The following SYN3 variants were observed in gnomAD, a reference collection of about 807,000 sequenced individuals.
SYN3 encodes synapsin III, also known as synapsin-3.
A neutral mutation model predicts 65.8 loss-of-function variants in SYN3; 35 were observed. The observed-to-expected ratio is 0.53, with a 90% confidence interval of 0.41 to 0.70. The LOEUF is 0.70. Ranked by LOEUF, SYN3 falls within the 30% of genes least tolerant of loss-of-function variation. The probability of loss-of-function intolerance (pLI) is 0.00; values close to 1 mark genes in which losing one functional copy is unlikely to be tolerated. For missense variants in SYN3, 680 were observed against 749.0 expected (o/e 0.91, Z 1.08); for synonymous variants, 270 against 292.9 (o/e 0.92, Z 0.80).
chr22:32,912,967 G>A (rs1029835182), intron 4 of SYN3, among the ~76,000 whole-genome samples: 5 of 152,120 alleles, frequency 3.3e-5, no homozygotes, highest in Non-Finnish European at 7.3e-5. Flanking sequence ...CACTAAGAAT[G>A]AGCCCCAGTG....
chr22:32,529,578 G>A (rs529859943), intron 10 of SYN3, among the ~76,000 whole-genome samples: 113 of 152,272 alleles, frequency 7.4e-4, no homozygotes, highest in African/African-American at 2.4e-3. Flanking sequence ...TGCTTCTATC[G>A]GGAGGAACCT....
intron 6 of SYN3, among the ~76,000 whole-genome samples, chr22:32,829,425 G>T (rs2047509602): frequency 6.6e-6 from 1 of 152,210 alleles, no homozygotes; most frequent in African/African-American, 2.4e-5. Context: ...GACAGAGGGG[G>T]TGGGGTCCCC....
intron 6 of SYN3, among the ~76,000 whole-genome samples, chr22:32,661,875 A>C (rs1188523064): frequency 6.6e-6 from 1 of 152,224 alleles, no homozygotes; most frequent in Non-Finnish European, 1.5e-5. Context: ...TCCACAGCCA[A>C]GTTGCATCTT....
intron 7 of SYN3, among the ~76,000 whole-genome samples, chr22:32,570,510 G>A (rs1205438605): frequency 6.7e-6 from 1 of 149,842 alleles, no homozygotes; most frequent in Admixed American, 6.8e-5. Context: ...AGCTGTGCAT[G>A]TTTCTCTCCC....
intron 4 of SYN3, among the ~76,000 whole-genome samples, chr22:32,927,544 C>A (rs1204238289): frequency 1.3e-5 from 2 of 152,174 alleles, no homozygotes; most frequent in African/African-American, 4.8e-5. Context: ...GCCACCACAC[C>A]TGGCCATGTT....
chr22:32,752,125 T>A (rs2045146744), intron 6 of SYN3, among the ~76,000 whole-genome samples: 2 of 152,144 alleles, frequency 1.3e-5, no homozygotes, highest in African/African-American at 4.8e-5. Context: ...GCTGAGTGAG[T>A]ACATGACTAC....
intron 6 of SYN3, among the ~76,000 whole-genome samples, chr22:32,738,045 A>G (rs2061356908): frequency 6.6e-6 from 1 of 152,136 alleles, no homozygotes. Flanking sequence ...ACTAATTATC[A>G]ATTATCCTGG....
chr22:32,597,218 T>C (rs1023730033), intron 6 of SYN3, among the ~76,000 whole-genome samples: 4 of 140,138 alleles, frequency 2.9e-5, no homozygotes, highest in East Asian at 2.1e-4. Flanking sequence ...TTTTTTTTTT[T>C]TTTTTTTTTT....
chr22:32,936,182 G>A (rs1472258002), intron 3 of SYN3, among the ~76,000 whole-genome samples: 3 of 152,202 alleles, frequency 2.0e-5, no homozygotes, highest in African/African-American at 7.2e-5. Context: ...TGAAGTACCA[G>A]AGATTACATA....
chr22:32,801,343 G>A lies in SYN3; in HGVS notation c.711+63572C>T, dbSNP rs376145627. 6.6e-6 allele frequency among the ~76,000 whole-genome samples: 1 copy of A among 152,218 alleles called. No individual in the cohort carries two copies. The highest frequency in any genetic ancestry group is 2.1e-4 in the South Asian group (1 of 4,836). ...TGGAAGCGGTCCTGCTGGGGTGGGTGGGTGTTAGTTGGTTCTGGTTTGGGT... is the reference window on the plus strand; with the variant it reads ...TGGAAGCGGTCCTGCTGGGGTGGGTAGGTGTTAGTTGGTTCTGGTTTGGGT... On this transcript the variant is annotated intron_variant, in intron 6 of 13. Transcript: ENST00000358763. The surrounding 1 kb of genome is among the most constrained non-coding windows in gnomAD (Gnocchi z 4.7).
intron 6 of SYN3, among the ~76,000 whole-genome samples, chr22:32,817,958 C>T (rs1054313172): frequency 3.3e-5 from 5 of 152,130 alleles, no homozygotes; most frequent in East Asian, 1.9e-4. Flanking sequence ...ATCATTTTAC[C>T]GATAGGAGCA....
chr22:32,593,173 T>C (rs2059151322), intron 7 of SYN3, among the ~76,000 whole-genome samples: 2 of 152,126 alleles, frequency 1.3e-5, no homozygotes. Flanking sequence ...GTTTTCTCAT[T>C]CCAAACATAA....
chr22:32,915,499 G>A (rs1012661806), intron 4 of SYN3, among the ~76,000 whole-genome samples: 3 of 152,192 alleles, frequency 2.0e-5, no homozygotes, highest in Non-Finnish European at 4.4e-5. Context: ...TGTTATTCTG[G>A]GTAGGATGGT....
At chr22:33,033,537 T>C (rs375959952) in intron 1 of SYN3, among the ~76,000 whole-genome samples, 1 of 152,096 alleles carries the variant, frequency 6.6e-6, no homozygotes, top group South Asian at 2.1e-4. Flanking sequence ...CTTTATTTCC[T>C]GTCAGACTCC....
intron 6 of SYN3, among the ~76,000 whole-genome samples, chr22:32,815,576 A>C (rs1292764262): frequency 6.6e-6 from 1 of 152,244 alleles, no homozygotes; most frequent in Admixed American, 6.5e-5. Context: ...GAGGAATTAA[A>C]TATGAAAGCA....
chr22:32,964,975 C>A (rs969070987), intron 3 of SYN3, among the ~76,000 whole-genome samples: 2 of 152,116 alleles, frequency 1.3e-5, no homozygotes, highest in Non-Finnish European at 2.9e-5. Flanking sequence ...AACTGCACCT[C>A]GATCAGTCCC....
At chr22:32,804,567 GCA>G (rs1267190441) in intron 6 of SYN3, among the ~76,000 whole-genome samples, 1 of 152,146 alleles carries the variant, frequency 6.6e-6, no homozygotes, top group Non-Finnish European at 1.5e-5. Flanking sequence ...CTAGCAAAAG[GCA>G]CAGGAGGCCT....
At chr22:32,723,406 A>G (rs2061146701) in intron 6 of SYN3, among the ~76,000 whole-genome samples, 2 of 152,358 alleles carry the variant, frequency 1.3e-5, no homozygotes, top group African/African-American at 4.8e-5. Flanking sequence ...CATTACTTTC[A>G]TATACACTAA....
chr22:32,827,253 G>A (rs2047439846), intron 6 of SYN3, among the ~76,000 whole-genome samples: 1 of 152,180 alleles, frequency 6.6e-6, no homozygotes, highest in African/African-American at 2.4e-5. Flanking sequence ...ACCCCTGTCT[G>A]GCACCAGCAG....
Sources: gnomAD v4.1 joint callset for allele counts (sites outside exome capture counted in the v4.1 genomes callset) on GRCh38, gnomAD v4.1.1 for gene constraint, Gnocchi (gnomAD v3.1) non-coding constraint, MANE v1.5 for transcripts, NCBI Gene and HGNC (gene_info 2026-07-23, HGNC 2026-07-21) for gene names.